Variants in GPR63 observed in about 807,000 individuals in gnomAD.
GPR63 encodes the protein G protein-coupled receptor 63, also known as probable G protein-coupled receptor 63.
GPR63 carries 12 observed loss-of-function variants against 23.1 expected under a neutral mutation model. The ratio of observed to expected loss-of-function variants is 0.52; its 90% CI spans 0.33 to 0.84. The LOEUF is 0.84. Ranked by LOEUF, GPR63 falls within the 40% of genes least tolerant of loss-of-function variation. GPR63 has a pLI of 0.02. For synonymous variants in GPR63, 172 were observed against 191.1 expected (o/e 0.90, Z 0.82); for missense variants, 472 against 515.6 (o/e 0.92, Z 0.82).
At position 96,802,706 on chromosome 6, in the gene GPR63, ATT is replaced by A. The variant is rs370548140; in HGVS notation, c.-150-2827_-150-2826del. 4.0e-3 allele frequency among the ~76,000 whole-genome samples: 578 copies of A among 144,816 alleles called. 4 individuals carry two copies. Among genetic ancestry groups the A allele is most frequent in the African/African-American group, 0.014 (557 of 39,270 alleles). On this transcript the variant is annotated intron_variant, in intron 1 of 1. Coordinates refer to ENST00000229955, the MANE Select transcript of GPR63 (RefSeq NM_030784.4). The stretch of plus-strand genomic sequence containing the variant: ...AAGCACCTGCCACCATGCCCAGCTA[ATT>A]TTTTTTTTTTTTGTATTTTTAGTAA...
At position 96,810,940 on chromosome 6, in the gene GPR63, C is replaced by T. The variant is rs78938340; in HGVS notation, c.-150-11059G>A. Among the ~76,000 whole-genome samples the T allele has an allele frequency of 2.3e-3, 355 of 152,260 alleles. 3 individuals are homozygous for T. The East Asian group carries it at 0.024, about 10-fold the overall frequency. ...ATTCCTTGAGGATGCAAGCTGCAAC[C>T]TATCTTATTTGTAACATATCTGACC... On this transcript the variant is annotated intron_variant, in intron 1 of 1. Coordinates refer to ENST00000229955, the MANE Select transcript of GPR63 (RefSeq NM_030784.4).
chr6:96,817,220 CCAAAACAAAACAGTA>C (rs1353740548), intron 1 of GPR63, among the ~76,000 whole-genome samples: 3 of 152,006 alleles, frequency 2.0e-5, no homozygotes, highest in African/African-American at 7.3e-5. Flanking sequence ...ATCCAAACGG[CCAAAACAAAACAGTA>C]CAAAACAAAA....
chr6:96,817,693 TG>T (rs1774199020), intron 1 of GPR63, among the ~76,000 whole-genome samples: 1 of 152,062 alleles, frequency 6.6e-6, no homozygotes. Flanking sequence ...ACGCAACACA[TG>T]GATGAATCTC....
chr6:96,799,768 G>C lies in GPR63; in HGVS notation c.-37C>G. 6.2e-7 allele frequency: 1 copy of C among 1,609,178 alleles called. No individual in the cohort carries two copies. The highest frequency in any genetic ancestry group is 1.1e-5 in the South Asian group (1 of 90,950). On this transcript the variant is annotated 5_prime_UTR_variant, in exon 2 of 2. Transcript: ENST00000229955. ...GATGGAAGATGCAAGCAGAGATGCA[G>C]GAGTTCTTCAAGCATTTCAACACAG...
intron 1 of GPR63, among the ~76,000 whole-genome samples, chr6:96,802,302 C>T (rs1773785467): frequency 6.6e-6 from 1 of 152,120 alleles, no homozygotes; most frequent in South Asian, 2.1e-4. Context: ...TCTAACAATT[C>T]ATTCAATATT....
intron 1 of GPR63, among the ~76,000 whole-genome samples, chr6:96,807,482 T>C (rs895072565): frequency 2.6e-5 from 4 of 152,230 alleles, no homozygotes; most frequent in African/African-American, 9.6e-5. Flanking sequence ...TTTCTTAGAA[T>C]ATATCCATAT....
rs552101935 is a variant in GPR63, at chr6:96,799,757, G to A, written c.-26C>T. The A allele has an allele frequency of 5.6e-6, 9 of 1,612,952 alleles. No homozygotes were observed. In the South Asian group the frequency reaches 9.9e-5, roughly 18 times the overall value. On this transcript the variant is annotated 5_prime_UTR_variant, in exon 2 of 2. Transcript: ENST00000229955. Reference sequence around the variant, plus strand: ...GGTTTCAGTAGGATGGAAGATGCAAGCAGAGATGCAGGAGTTCTTCAAGCA... The same window carrying A: ...GGTTTCAGTAGGATGGAAGATGCAAACAGAGATGCAGGAGTTCTTCAAGCA...
At chr6:96,816,559 T>G (rs1353593445) in intron 1 of GPR63, among the ~76,000 whole-genome samples, 2 of 152,224 alleles carry the variant, frequency 1.3e-5, no homozygotes, top group African/African-American at 4.8e-5. Flanking sequence ...GGCTACGATC[T>G]GAGAGAAATG....
chr6:96,799,692 T>G lies in GPR63; in HGVS notation c.40A>C (p.Thr14Pro), dbSNP rs1773709640. The change falls in exon 2 of 2, where the codon ACA (threonine) becomes CCA (proline). Residue 14 changes from threonine to proline, a missense_variant. Physicochemically the swap from Thr to Pro is conservative, Grantham distance 38. Transcript: ENST00000229955. ...SAVLTAFHTGTSNTTFVVYEN... is the reference protein window; with the variant it reads ...SAVLTAFHTGPSNTTFVVYEN... ...TACACGACAAATGTTGTGTTGGATG[T>G]CCCGGTATGGAACGCAGTCAACACT... is the stretch of plus-strand genomic sequence containing the variant. 1.2e-6 allele frequency: 2 copies of G among 1,614,064 alleles called. No homozygotes were observed. The highest frequency in any genetic ancestry group is 1.7e-6 in the Non-Finnish European group (2 of 1,180,028).
At chr6:96,804,510 ATTTT>A (rs537306749) in intron 1 of GPR63, among the ~76,000 whole-genome samples, 1 of 152,124 alleles carries the variant, frequency 6.6e-6, no homozygotes, top group Non-Finnish European at 1.5e-5. Flanking sequence ...TGTGGGATCA[ATTTT>A]TTGTTTACTC....
chr6:96,794,890 T>C lies in GPR63; in HGVS notation c.*3582A>G, dbSNP rs1400880270. 1 of 152,180 alleles carries C rather than the reference T, an allele frequency of 6.6e-6. No individual in the cohort carries two copies. Among genetic ancestry groups the C allele is most frequent in the Non-Finnish European group, 1.5e-5 (1 of 68,038 alleles). 9.4% of individuals were successfully genotyped at this position (152,180 alleles called of 1,614,324 possible). On this transcript the variant is annotated 3_prime_UTR_variant, in exon 2 of 2. Coordinates refer to ENST00000229955, the MANE Select transcript of GPR63 (RefSeq NM_030784.4). ...TGGCAAGATCCAGCACAAACACAGG[T>C]GGCAGCAAATCAGGCACAATGTTGT...
rs1330003566 is a variant in GPR63 at position 96,797,258 on chromosome 6, TTTTTC to T, written c.*1209_*1213del. 6.6e-6 allele frequency: 1 copy of T among 152,200 alleles called. No individual in the cohort carries two copies. The highest frequency in any genetic ancestry group is 2.4e-5 in the African/African-American group (1 of 41,440). 9.4% of individuals were successfully genotyped at this position (152,200 alleles called of 1,614,324 possible). On this transcript the variant is annotated 3_prime_UTR_variant, in exon 2 of 2. Transcript: ENST00000229955. ...AAAAAGTGGTTGTAAGTGATTTTAT[TTTTTC>T]TTTTCTATTTTCCAGTGTTTCTGTA...
intron 1 of GPR63, among the ~76,000 whole-genome samples, chr6:96,826,779 A>G (rs1285639521): frequency 1.3e-5 from 2 of 152,168 alleles, no homozygotes; most frequent in Non-Finnish European, 2.9e-5. Flanking sequence ...ATGTCAAAAG[A>G]AAACGGAAAT....
At chr6:96,804,030 T>C (rs1773837284) in intron 1 of GPR63, among the ~76,000 whole-genome samples, 1 of 152,220 alleles carries the variant, frequency 6.6e-6, no homozygotes, top group African/African-American at 2.4e-5. Context: ...AAAACTCGCG[T>C]ATGGTAGAAG....
intron 1 of GPR63, among the ~76,000 whole-genome samples, chr6:96,825,313 T>A (rs1345877807): frequency 2.6e-5 from 4 of 152,066 alleles, no homozygotes; most frequent in Non-Finnish European, 4.4e-5. Context: ...ACACTGGAAT[T>A]GAGCAGGAAA....
intron 1 of GPR63, among the ~76,000 whole-genome samples, chr6:96,824,241 A>T (rs1469268466): frequency 6.6e-6 from 1 of 152,060 alleles, no homozygotes; most frequent in African/African-American, 2.4e-5. Context: ...TATAATAGAT[A>T]AATTTTTACA....
At chr6:96,827,883 C>CA (rs1774483625) in intron 1 of GPR63, among the ~76,000 whole-genome samples, 1 of 151,408 alleles carries the variant, frequency 6.6e-6, no homozygotes, top group Non-Finnish European at 1.5e-5. Flanking sequence ...ATATGTCAGG[C>CA]AAAAAAGAAA....
At chr6:96,802,665 G>A (rs1313091771) in intron 1 of GPR63, among the ~76,000 whole-genome samples, 4 of 150,050 alleles carry the variant, frequency 2.7e-5, no homozygotes, top group East Asian at 2.0e-4. Context: ...TCAGCCTCAC[G>A]AGTATCTGGG....
At chr6:96,800,183 C>T (rs1358919797) in intron 1 of GPR63, among the ~76,000 whole-genome samples, 6 of 152,030 alleles carry the variant, frequency 3.9e-5, no homozygotes, top group African/African-American at 2.4e-5. Flanking sequence ...ATTTCCAGTG[C>T]CTTTAATTTT....
Sources: gnomAD v4.1 joint callset for allele counts (sites outside exome capture counted in the v4.1 genomes callset) on GRCh38, gnomAD v4.1.1 for gene constraint, MANE v1.5 for transcripts, NCBI Gene and HGNC (gene_info 2026-07-23, HGNC 2026-07-21) for gene names.